The following SLCO4C1 variants were observed in gnomAD, a reference collection of about 807,000 sequenced individuals.
The protein encoded by SLCO4C1 is solute carrier organic anion transporter family member 4C1.
In SLCO4C1, 58 loss-of-function variants were observed where a neutral mutation model predicts 72.1. The ratio of observed to expected loss-of-function variants is 0.80; its 90% confidence interval spans 0.65 to 1.00. The LOEUF (loss-of-function observed/expected upper bound fraction) is 1.00. Ranked by LOEUF, SLCO4C1 falls within the 50% of genes least tolerant of loss-of-function variation. The pLI, the probability that SLCO4C1 is intolerant of heterozygous loss-of-function variation, is 0.00. For synonymous variants in SLCO4C1, 297 were observed against 312.5 expected, an observed-to-expected ratio of 0.95 and a Z score of 0.52; for missense variants, 898 against 857.9, an observed-to-expected ratio of 1.05 and a Z score of -0.58.
At chr5:102,255,724 C>A (rs1748821891) in intron 8 of SLCO4C1, among the ~76,000 whole-genome samples, 1 of 152,088 alleles carries the variant, frequency 6.6e-6, no homozygotes, top group South Asian at 2.1e-4. Flanking sequence ...TGCTGTGAAG[C>A]CCTTCTGGAT....
intron 1 of SLCO4C1, 72 bp from the exon 2 acceptor site, chr5:102,291,678 T>C (rs1749555483): frequency 2.3e-5 from 30 of 1,289,426 alleles, no homozygotes; most frequent in Admixed American, 2.7e-5. Flanking sequence ...CACAATGAAG[T>C]AGAGTTTGAT....
chr5:102,243,395 C>T (rs753647726), intron 10 of SLCO4C1, among the ~76,000 whole-genome samples: 1 of 152,146 alleles, frequency 6.6e-6, no homozygotes, highest in Non-Finnish European at 1.5e-5. Context: ...TTGGAAAAGA[C>T]CCAAAACTGT....
At chr5:102,293,226 T>C (rs554947838) in intron 1 of SLCO4C1, among the ~76,000 whole-genome samples, 1 of 152,110 alleles carries the variant, frequency 6.6e-6, no homozygotes, top group Non-Finnish European at 1.5e-5. Flanking sequence ...TTATACGTTA[T>C]CTAATAATAC....
In SLCO4C1 at chr5:102,291,353, A is replaced by C. The variant is rs370191355; in HGVS notation, c.609T>G (p.Ser203=). 6.2e-7 allele frequency: 1 copy of C among 1,611,766 alleles called. No individual in the cohort carries two copies. Among genetic ancestry groups the C allele is most frequent in the Non-Finnish European group, 8.5e-7 (1 of 1,179,452 alleles). ...ACAATAGAAACTTACCTTCAAAAAG[A>C]GACCCCAATTTATATTCTCCACTGA... is the stretch of plus-strand genomic sequence containing the variant. ...QFFSGEYKLG[S]LFEDTCVTTR... The change falls in exon 2 of 13, where the codon TCT becomes TCG. Residue 203 remains serine (S), a synonymous_variant. Coordinates refer to ENST00000310954, the MANE Select transcript of SLCO4C1 (RefSeq NM_180991.5).
chr5:102,284,227 C>T (rs1198844661), intron 2 of SLCO4C1, among the ~76,000 whole-genome samples: 2 of 151,982 alleles, frequency 1.3e-5, no homozygotes, highest in East Asian at 3.9e-4. Flanking sequence ...CTGCCATTAC[C>T]TACTCTTACT....
At chr5:102,293,156 C>T (rs1180252344) in intron 1 of SLCO4C1, among the ~76,000 whole-genome samples, 1 of 151,994 alleles carries the variant, frequency 6.6e-6, no homozygotes, top group African/African-American at 2.4e-5. Flanking sequence ...AGACTATAAG[C>T]CAATTTACAA....
At chr5:102,285,312 T>C (rs551746378) in intron 2 of SLCO4C1, among the ~76,000 whole-genome samples, 29 of 152,182 alleles carry the variant, frequency 1.9e-4, no homozygotes, top group Middle Eastern at 6.8e-3. Context: ...TGAGACGAAG[T>C]CTCACACTGT....
At chr5:102,288,805 C>A (rs1459547296) in intron 2 of SLCO4C1, among the ~76,000 whole-genome samples, 1 of 152,176 alleles carries the variant, frequency 6.6e-6, no homozygotes, top group African/African-American at 2.4e-5. Context: ...ATCACTGTAG[C>A]CTTTCCTGGC....
intron 2 of SLCO4C1, among the ~76,000 whole-genome samples, chr5:102,287,675 G>C (rs1011056338): frequency 1.3e-5 from 2 of 151,266 alleles, no homozygotes; most frequent in African/African-American, 2.4e-5. Context: ...CTCCCAAGTA[G>C]CTGGGACTAC....
rs115046982 is a variant in SLCO4C1, at chr5:102,253,922, T to G, written c.1469+3193A>C. ...TATACCCAGGTAACAAATCTGCACA[T>G]GTACCCCCTGAATCTAAAAGTTGAA... is the stretch of plus-strand genomic sequence containing the variant. On this transcript the variant is annotated intron_variant, in intron 8 of 12. Transcript: ENST00000310954. Among the ~76,000 whole-genome samples, 712 of 151,362 alleles carry G rather than the reference T, an allele frequency of 4.7e-3. 6 individuals carry two copies. Among genetic ancestry groups the G allele is most frequent in the African/African-American group, 0.016 (673 of 41,154 alleles).
chr5:102,239,284 T>C lies in SLCO4C1; in HGVS notation c.1981A>G (p.Asn661Asp). The C allele has an allele frequency of 6.2e-7, 1 of 1,600,672 alleles. No homozygotes were observed. Residue 661 changes from asparagine (N) to aspartate (D), a missense_variant, in exon 12 of 13, where the codon AAC (asparagine) becomes GAC (aspartate). Asn to Asp is a conservative substitution (Grantham distance 23, BLOSUM62 1). Transcript: ENST00000310954. The part of the protein sequence containing the change: ...GIKGACWIYD[N>D]IKMAHMLVAI... The stretch of plus-strand genomic sequence containing the variant: ...ACTAGCATATGGGCCATCTTGATGT[T>C]ATCATAAATCCAGCAAGCTCCTTTA...
intron 2 of SLCO4C1, among the ~76,000 whole-genome samples, chr5:102,290,882 T>A (rs1382643589): frequency 2.0e-5 from 3 of 152,256 alleles, no homozygotes; most frequent in Non-Finnish European, 4.4e-5. Flanking sequence ...CTATGTTTCT[T>A]ATCTAGGTCC....
chr5:102,239,402 G>A lies in SLCO4C1; in HGVS notation c.1877-14C>T. 1.9e-6 allele frequency: 3 copies of A among 1,548,970 alleles called. No individual in the cohort carries two copies. The highest frequency in any genetic ancestry group is 2.6e-6 in the Non-Finnish European group (3 of 1,146,400). ...CAGGAATTGTCCCTAAAAGAATTATGGGTGAAATATACAACAGTAAAGATT... is the reference window on the plus strand; with the variant it reads ...CAGGAATTGTCCCTAAAAGAATTATAGGTGAAATATACAACAGTAAAGATT... On this transcript the variant is annotated splice_polypyrimidine_tract_variant and intron_variant, in intron 11 of 12. Transcript: ENST00000310954.
rs779929700 is a variant in SLCO4C1, at chr5:102,247,345, T to C, written c.1718A>G (p.His573Arg). ...FEAKAGKCETHCAKLPIFLCI... is the reference protein window; with the variant it reads ...FEAKAGKCETRCAKLPIFLCI... ...AAGGAATATGGGCAGTTTCGCACAATGAGTTTCACATTTTCCAGCTTTAGC... is the reference window on the plus strand; with the variant it reads ...AAGGAATATGGGCAGTTTCGCACAACGAGTTTCACATTTTCCAGCTTTAGC... The change falls in exon 10 of 13, where the codon CAT becomes CGT. Residue 573 changes from histidine (H) to arginine (R), a missense_variant. Coordinates refer to ENST00000310954, the MANE Select transcript of SLCO4C1 (RefSeq NM_180991.5). 7 of 1,600,978 alleles carry C rather than the reference T, an allele frequency of 4.4e-6. No individual in the cohort carries two copies. Among genetic ancestry groups the C allele is most frequent in the Non-Finnish European group, 6.0e-6 (7 of 1,170,658 alleles).
intron 9 of SLCO4C1, among the ~76,000 whole-genome samples, chr5:102,249,329 G>C (rs1199127407): frequency 2.6e-5 from 4 of 152,090 alleles, no homozygotes; most frequent in Non-Finnish European, 4.4e-5. Context: ...ATATGCAGGG[G>C]TCCGGGAACC....
At chr5:102,269,264 C>T (rs1442772623) in intron 3 of SLCO4C1, among the ~76,000 whole-genome samples, 5 of 152,062 alleles carry the variant, frequency 3.3e-5, no homozygotes, top group African/African-American at 7.2e-5. Context: ...ATTTTCTATA[C>T]CTTTTCCCAT....
Position 102,271,212 on chromosome 5 carries a change from G to T in SLCO4C1, c.620-406C>A, listed in dbSNP as rs368164733. Among the ~76,000 whole-genome samples the T allele has an allele frequency of 1.3e-4, 19 of 151,976 alleles. No individual in the cohort carries two copies. The East Asian group carries it at 1.4e-3, about 11-fold the overall frequency. ...TATGTCCCGGACGTCTCTGATATTA[G>T]CACTTAAAGCTATATTTAAATTTAT... On this transcript the variant is annotated intron_variant, in intron 2 of 12. Coordinates refer to ENST00000310954, the MANE Select transcript of SLCO4C1 (RefSeq NM_180991.5).
rs1394764408 is a variant in SLCO4C1 at position 102,234,128 on chromosome 5, T to C, written c.*2730A>G. On this transcript the variant is annotated 3_prime_UTR_variant, in exon 13 of 13. Coordinates refer to ENST00000310954, the MANE Select transcript of SLCO4C1 (RefSeq NM_180991.5). Reference sequence around the variant, plus strand: ...GTAAAGTCAACTGCATACAGTTCTTTCCATGTGTAAGTTTTACATTTGTAT... The same window carrying C: ...GTAAAGTCAACTGCATACAGTTCTTCCCATGTGTAAGTTTTACATTTGTAT... 1 of 152,450 alleles carries C rather than the reference T, an allele frequency of 6.6e-6. No homozygotes were observed. Among genetic ancestry groups the C allele is most frequent in the African/African-American group, 2.4e-5 (1 of 41,476 alleles). The allele number at this position is 152,450 out of a possible 1,614,324, so 9.4% of individuals were successfully genotyped here.
At position 102,239,229 on chromosome 5, in the gene SLCO4C1, T is replaced by G. The variant is rs775029484; in HGVS notation, c.2014+22A>C. 21 of 1,526,498 alleles carry G rather than the reference T, an allele frequency of 1.4e-5. No individual in the cohort carries two copies. In the South Asian group the frequency reaches 2.8e-4, roughly 21 times the overall value. 94.6% of individuals were successfully genotyped at this position (1,526,498 alleles called of 1,614,324 possible). On this transcript the variant is annotated intron_variant, in intron 12 of 12. Transcript: ENST00000310954. ...TTTACATCCTTAGTTTACTCTAAAATTATCAAGAAGTCACCACTTACTTAT... is the reference window on the plus strand; with the variant it reads ...TTTACATCCTTAGTTTACTCTAAAAGTATCAAGAAGTCACCACTTACTTAT...
Sources: allele counts gnomAD v4.1 joint callset (sites outside exome capture counted in the v4.1 genomes callset), GRCh38; gene constraint gnomAD v4.1.1; transcripts MANE v1.5; gene names NCBI Gene and HGNC (gene_info 2026-07-23, HGNC 2026-07-21).